Variants in LRP1B observed in about 807,000 individuals in gnomAD.
LRP1B encodes the protein LDL receptor related protein 1B, also known as low-density lipoprotein receptor-related protein 1B.
In LRP1B, 217 loss-of-function variants were observed where a neutral mutation model predicts 556.6. The observed-to-expected ratio is 0.39, with a 90% CI of 0.35 to 0.44. The LOEUF (loss-of-function observed/expected upper bound fraction) is 0.44. Ranked by LOEUF, LRP1B falls within the 20% of genes least tolerant of loss-of-function variation. The pLI, the probability that LRP1B is intolerant of heterozygous loss-of-function variation, is 1.00. For missense variants in LRP1B, 5,053 were observed against 5,620.8 expected, an observed-to-expected ratio of 0.90 and a Z score of 3.23; for synonymous variants, 2,047 against 1,865.8, an observed-to-expected ratio of 1.10 and a Z score of -2.50.
At position 141,682,317 on chromosome 2, in the gene LRP1B, G is replaced by A. The variant is rs991899875; in HGVS notation, c.205+127962C>T. 5.3e-5 allele frequency among the ~76,000 whole-genome samples: 8 copies of A among 151,204 alleles called. No individual in the cohort carries two copies. The East Asian group carries it at 7.9e-4, about 15-fold the overall frequency. ...GAACAATTTAAAAAATCAGAGGAGA[G>A]GATGTCAGGAAAATTATAAGTAGAT... On this transcript the variant is annotated intron_variant, in intron 2 of 90. Transcript: ENST00000389484.
intron 3 of LRP1B, among the ~76,000 whole-genome samples, chr2:141,329,655 A>AAAAAAACAAAACAAAAC (rs1687567060): frequency 2.2e-5 from 3 of 138,072 alleles, no homozygotes; most frequent in Non-Finnish European, 3.1e-5. Flanking sequence ...AAAAAAAAAA[A>AAAAAAACAAAACAAAAC]AAAAAAAAAA....
At chr2:141,083,754 C>T (rs1201374315) in intron 7 of LRP1B, among the ~76,000 whole-genome samples, 2 of 152,030 alleles carry the variant, frequency 1.3e-5, no homozygotes, top group Non-Finnish European at 2.9e-5. Context: ...AGTGTTCAGC[C>T]CCCTTACCAT....
chr2:141,444,563 T>G (rs928771954), intron 3 of LRP1B, among the ~76,000 whole-genome samples: 22 of 152,184 alleles, frequency 1.4e-4, no homozygotes, highest in Admixed American at 6.5e-5. Flanking sequence ...GTCTGGGGGT[T>G]TGTCATAAAT....
At chr2:140,913,814 A>C (rs1344124640) in intron 21 of LRP1B, among the ~76,000 whole-genome samples, 1 of 152,090 alleles carries the variant, frequency 6.6e-6, no homozygotes, top group Non-Finnish European at 1.5e-5. Context: ...AGCTATATAC[A>C]TAGAACCATG....
intron 3 of LRP1B, among the ~76,000 whole-genome samples, chr2:141,321,030 C>T (rs1479517189): frequency 6.6e-6 from 1 of 152,052 alleles, no homozygotes; most frequent in Non-Finnish European, 1.5e-5. Flanking sequence ...CTTCTTTAAA[C>T]TTTGTTCTTT....
At chr2:141,360,751 G>A (rs1218710382) in intron 3 of LRP1B, among the ~76,000 whole-genome samples, 1 of 152,184 alleles carries the variant, frequency 6.6e-6, no homozygotes, top group Non-Finnish European at 1.5e-5. Flanking sequence ...TACATACACT[G>A]TAGTATGCAC....
chr2:140,248,268 C>T (rs1386856600), intron 86 of LRP1B, among the ~76,000 whole-genome samples: 1 of 151,394 alleles, frequency 6.6e-6, no homozygotes, highest in Non-Finnish European at 1.5e-5. Flanking sequence ...CTGACAAAGT[C>T]AAATAATAAA....
rs70988414 is a variant in LRP1B at position 140,640,383 on chromosome 2, C to CTTTTTTTTTTTTT, written c.6800-38757_6800-38745dup. Among the ~76,000 whole-genome samples, 49 of 48,500 alleles carry CTTTTTTTTTTTTT rather than the reference C, an allele frequency of 1.0e-3. 15 individuals carry two copies. The highest frequency in any genetic ancestry group is 1.1e-3 in the African/African-American group (13 of 11,740). 31.8% of individuals were successfully genotyped at this position (48,500 alleles called of 152,430 possible). On this transcript the variant is annotated intron_variant, in intron 41 of 90. Transcript: ENST00000389484. ...ATCCACTATTCCCTTGTCCTGTTTT[C>CTTTTTTTTTTTTT]TTTTTTTTTTTTTTTTTTTTTTTTT...
intron 6 of LRP1B, among the ~76,000 whole-genome samples, chr2:141,200,621 A>G (rs958539558): frequency 3.3e-5 from 5 of 152,114 alleles, no homozygotes; most frequent in Non-Finnish European, 5.9e-5. Flanking sequence ...ATATGTACAC[A>G]CACATACATA....
At chr2:140,660,514 T>C (rs1239060352) in intron 41 of LRP1B, among the ~76,000 whole-genome samples, 3 of 152,164 alleles carry the variant, frequency 2.0e-5, no homozygotes, top group Non-Finnish European at 4.4e-5. Context: ...TCATATAATC[T>C]ATCAAAGCCA....
intron 77 of LRP1B, among the ~76,000 whole-genome samples, chr2:140,347,686 A>G (rs1394103035): frequency 1.3e-5 from 2 of 151,932 alleles, no homozygotes; most frequent in Admixed American, 6.6e-5. Context: ...TTCACTGACA[A>G]TGGAGTTACA....
chr2:142,042,579 G>A (rs1024457622), intron 1 of LRP1B, among the ~76,000 whole-genome samples: 1 of 151,392 alleles, frequency 6.6e-6, no homozygotes, highest in African/African-American at 2.4e-5. Flanking sequence ...GTTATTCACA[G>A]CAATAAAAAA....
At chr2:141,344,948 A>G (rs901868833) in intron 3 of LRP1B, among the ~76,000 whole-genome samples, 1 of 152,228 alleles carries the variant, frequency 6.6e-6, no homozygotes, top group Admixed American at 6.5e-5. Flanking sequence ...TTACAGTTGC[A>G]GATGGAGCTA....
intron 5 of LRP1B, among the ~76,000 whole-genome samples, chr2:141,241,221 G>A (rs73962872): frequency 0.012 from 1,887 of 152,182 alleles, 35 homozygotes; most frequent in African/African-American, 0.044. Context: ...CAGAAAAGAT[G>A]TAGAGTAAAA....
At position 140,427,231 on chromosome 2, in the gene LRP1B, G is replaced by A. The variant is rs1047409891; in HGVS notation, c.10414+15273C>T. Among the ~76,000 whole-genome samples, 23 of 152,180 alleles carry A rather than the reference G, an allele frequency of 1.5e-4. No individual in the cohort carries two copies. The East Asian group carries it at 2.9e-3, about 19-fold the overall frequency. ...ATTGGTGTCTGATCTCCGCGAGGAC[G>A]CCTGCCTTGATCATTCACCCACGTT... On this transcript the variant is annotated intron_variant, in intron 66 of 90. Coordinates refer to ENST00000389484, the MANE Select transcript of LRP1B (RefSeq NM_018557.3).
At chr2:141,204,995 A>G (rs1048683910) in intron 6 of LRP1B, among the ~76,000 whole-genome samples, 2 of 152,192 alleles carry the variant, frequency 1.3e-5, no homozygotes, top group African/African-American at 4.8e-5. Context: ...AGGCATATAC[A>G]TTACATAATA....
intron 71 of LRP1B, among the ~76,000 whole-genome samples, chr2:140,365,892 G>C (rs1383097916): frequency 2.0e-5 from 3 of 151,682 alleles, no homozygotes; most frequent in Non-Finnish European, 4.4e-5. Context: ...TAAAAGCCTA[G>C]AAAATGCCTA....
At chr2:140,820,726 T>G (rs998240694) in intron 31 of LRP1B, among the ~76,000 whole-genome samples, 1 of 152,162 alleles carries the variant, frequency 6.6e-6, no homozygotes, top group African/African-American at 2.4e-5. Context: ...CACTGGATTG[T>G]GTCACTTAAA....
At chr2:141,769,667 T>C (rs930973444) in intron 2 of LRP1B, among the ~76,000 whole-genome samples, 1 of 152,200 alleles carries the variant, frequency 6.6e-6, no homozygotes, top group African/African-American at 2.4e-5. Flanking sequence ...ACTGTCAACT[T>C]CTACACCGAA....
Sources: gnomAD v4.1 joint callset for allele counts (sites outside exome capture counted in the v4.1 genomes callset) on GRCh38, gnomAD v4.1.1 for gene constraint, MANE v1.5 for transcripts, NCBI Gene and HGNC (gene_info 2026-07-23, HGNC 2026-07-21) for gene names.